Variants in DLC1 observed in about 807,000 individuals in gnomAD.
DLC1 encodes the protein rho GTPase-activating protein 7.
In DLC1, 54 loss-of-function variants were observed where a neutral mutation model predicts 140.3. That is an observed-to-expected ratio of 0.38 (90% CI 0.31 to 0.48). The LOEUF is 0.48. Among genes scored for constraint, DLC1 ranks in the 20% least tolerant of loss-of-function variants. The pLI, the probability that DLC1 is intolerant of heterozygous loss-of-function variation, is 0.96. For missense variants in DLC1, 2,536 were observed against 1,907.0 expected (o/e 1.33, Z -6.14); for synonymous variants, 986 against 728.1 (o/e 1.35, Z -5.70).
At chr8:13,140,767 T>G (rs1225792753) in intron 5 of DLC1, among the ~76,000 whole-genome samples, 1 of 152,220 alleles carries the variant, frequency 6.6e-6, no homozygotes, top group Non-Finnish European at 1.5e-5. Flanking sequence ...AAGTAGTTTT[T>G]CCTATAGGGC....
intron 2 of DLC1, among the ~76,000 whole-genome samples, chr8:13,486,715 G>C (rs536172819): frequency 2.4e-5 from 2 of 84,910 alleles, no homozygotes; most frequent in South Asian, 5.0e-4. Flanking sequence ...ATATTTGTTT[G>C]TAAGATGACA....
chr8:13,196,669 G>C (rs1022989648), intron 5 of DLC1, among the ~76,000 whole-genome samples: 1 of 152,180 alleles, frequency 6.6e-6, no homozygotes, highest in Admixed American at 6.5e-5. Context: ...GGGAAACCTT[G>C]ATCATCTGTG....
chr8:13,264,176 C>G (rs1357641743), intron 5 of DLC1, among the ~76,000 whole-genome samples: 1 of 152,010 alleles, frequency 6.6e-6, no homozygotes, highest in African/African-American at 2.4e-5. Context: ...TCAAGCGATT[C>G]TGCTACCTCA....
intron 5 of DLC1, among the ~76,000 whole-genome samples, chr8:13,122,613 G>C (rs1055619762): frequency 5.3e-5 from 8 of 152,054 alleles, no homozygotes; most frequent in African/African-American, 1.9e-4. Flanking sequence ...AGTTGCCAAA[G>C]ACTGGTTATC....
intron 4 of DLC1, chr8:13,341,944 A>G (rs981527234): frequency 2.0e-5 from 3 of 152,226 alleles, no homozygotes; most frequent in African/African-American, 7.2e-5. Flanking sequence ...TAAAATGCCT[A>G]AACTGCTTTC....
intron 16 of DLC1, among the ~76,000 whole-genome samples, chr8:13,088,251 T>C (rs1482755340): frequency 6.6e-6 from 1 of 152,164 alleles, no homozygotes; most frequent in Non-Finnish European, 1.5e-5. Context: ...AGCTGATTTT[T>C]AAAATTTTTT....
In DLC1 at chr8:13,386,426, C is replaced by G. The variant is rs562269780; in HGVS notation, c.1314+7127G>C. 5.9e-5 allele frequency among the ~76,000 whole-genome samples: 9 copies of G among 152,048 alleles called. No homozygotes were observed. In the South Asian group the frequency reaches 1.9e-3, roughly 32 times the overall value. Reference sequence around the variant, plus strand: ...GTTCAGAGCTAAGTATTATATATATCAAGATACAAGTTATTCTCGACAGAA... The same window carrying G: ...GTTCAGAGCTAAGTATTATATATATGAAGATACAAGTTATTCTCGACAGAA... On this transcript the variant is annotated intron_variant, in intron 4 of 17. Coordinates refer to ENST00000276297, the MANE Select transcript of DLC1 (RefSeq NM_182643.3).
At chr8:13,404,688 T>A (rs1055106070) in intron 2 of DLC1, among the ~76,000 whole-genome samples, 2 of 152,094 alleles carry the variant, frequency 1.3e-5, no homozygotes, top group Non-Finnish European at 2.9e-5. Context: ...TTAGTATGAA[T>A]TGTAGATGTC....
chr8:13,600,673 C>T (rs1019824503), intron 1 of DLC1, among the ~76,000 whole-genome samples: 2 of 151,612 alleles, frequency 1.3e-5, no homozygotes, highest in South Asian at 2.1e-4. Context: ...TAGTTTGATG[C>T]CTTTCAAAAT....
At chr8:13,375,027 A>ATTT (rs35721536) in intron 4 of DLC1, among the ~76,000 whole-genome samples, 90 of 134,074 alleles carry the variant, frequency 6.7e-4, no homozygotes, top group African/African-American at 2.3e-3. Context: ...AATGCTTGTG[A>ATTT]TTTTTTTTTT....
chr8:13,195,075 C>G (rs1019486624), intron 5 of DLC1, among the ~76,000 whole-genome samples: 1 of 152,174 alleles, frequency 6.6e-6, no homozygotes, highest in East Asian at 1.9e-4. Flanking sequence ...TTCAAATACA[C>G]TGAGAAAATT....
chr8:13,504,224 T>C (rs1585216614), intron 1 of DLC1, among the ~76,000 whole-genome samples: 1 of 151,758 alleles, frequency 6.6e-6, no homozygotes, highest in East Asian at 2.0e-4. Flanking sequence ...CCTCCTGGGT[T>C]CAAGTGATTC....
At chr8:13,500,550 A>G (rs554243526) in intron 1 of DLC1, among the ~76,000 whole-genome samples, 1 of 152,360 alleles carries the variant, frequency 6.6e-6, no homozygotes, top group South Asian at 2.1e-4. Flanking sequence ...TCTGGCTTGC[A>G]TGTTTTCCTG....
At position 13,222,229 on chromosome 8, in the gene DLC1, C is replaced by G. The variant is rs149066066; in HGVS notation, c.1348+83040G>C. On this transcript the variant is annotated intron_variant, in intron 5 of 17. Coordinates refer to ENST00000276297, the MANE Select transcript of DLC1 (RefSeq NM_182643.3). Reference sequence around the variant, plus strand: ...TTATGTAAAATCATTTAATCACTCACTTTTTGCTATCATAAGTGAGAAAAG... The same window carrying G: ...TTATGTAAAATCATTTAATCACTCAGTTTTTGCTATCATAAGTGAGAAAAG... 3.9e-3 allele frequency among the ~76,000 whole-genome samples: 587 copies of G among 152,078 alleles called. 5 individuals carry two copies. The highest frequency in any genetic ancestry group is 5.9e-3 in the Non-Finnish European group (402 of 68,006).
chr8:13,333,159 A>C (rs1402776907), intron 4 of DLC1, among the ~76,000 whole-genome samples: 1 of 152,196 alleles, frequency 6.6e-6, no homozygotes, highest in Non-Finnish European at 1.5e-5. Flanking sequence ...CATTTTTGTA[A>C]AATATTCCCT....
chr8:13,282,853 A>G lies in DLC1; in HGVS notation c.1348+22416T>C, dbSNP rs144344683. Among the ~76,000 whole-genome samples the G allele has an allele frequency of 3.4e-3, 515 of 152,252 alleles. 1 individual carries two copies. The highest frequency in any genetic ancestry group is 0.01 in the South Asian group (49 of 4,822). On this transcript the variant is annotated intron_variant, in intron 5 of 17. Transcript: ENST00000276297. ...TGATGAGACTGAAATAAAAATACTA[A>G]CCCCTTGCTGTTTCTAAATTAGAAG... is the stretch of plus-strand genomic sequence containing the variant.
chr8:13,305,292 C>G lies in DLC1; in HGVS notation c.1325G>C (p.Gly442Ala). 1.3e-6 allele frequency: 2 copies of G among 1,598,980 alleles called. No homozygotes were observed. Among genetic ancestry groups the G allele is most frequent in the Non-Finnish European group, 1.7e-6 (2 of 1,174,032 alleles). ...ACCAGCCTTTTCCTTCTCTGAAATA[C>G]CTTGAATAGCCTGAAAAAAAAGACA... ...GTKPKTTAIQ[G>A]ISEKEKAEIE... Residue 442 changes from glycine to alanine, a missense_variant, in exon 5 of 18, where the codon GGT becomes GCT. By Grantham distance (60) the Gly-to-Ala change is moderately conservative. Coordinates refer to ENST00000276297, the MANE Select transcript of DLC1 (RefSeq NM_182643.3).
chr8:13,475,195 G>A (rs888732090), intron 2 of DLC1, among the ~76,000 whole-genome samples: 2 of 152,072 alleles, frequency 1.3e-5, no homozygotes, highest in African/African-American at 4.8e-5. Context: ...AATATTGATT[G>A]CTGTTTTTTC....
At chr8:13,561,677 A>G (rs1804248432) in intron 1 of DLC1, among the ~76,000 whole-genome samples, 1 of 152,202 alleles carries the variant, frequency 6.6e-6, no homozygotes. Context: ...CTTTGCAATA[A>G]TAGCAGTTTA....
Sources: gnomAD v4.1 joint callset for allele counts (sites outside exome capture counted in the v4.1 genomes callset) on GRCh38, gnomAD v4.1.1 for gene constraint, MANE v1.5 for transcripts, NCBI Gene and HGNC (gene_info 2026-07-23, HGNC 2026-07-21) for gene names.